The following GLT8D2 variants were observed in gnomAD, a reference collection of about 807,000 sequenced individuals.
The protein encoded by GLT8D2 is glycosyltransferase 8 domain-containing protein 2.
A neutral mutation model predicts 44.5 loss-of-function variants in GLT8D2; 45 were observed. The observed-to-expected ratio is 1.01, with a 90% CI of 0.80 to 1.30. The LOEUF is 1.30. GLT8D2 is among the 50% of genes most tolerant of loss of function. The pLI, the probability that GLT8D2 is intolerant of heterozygous loss-of-function variation, is 0.00. For synonymous variants in GLT8D2, 156 were observed against 157.2 expected (o/e 0.99, Z 0.06); for missense variants, 400 against 430.4 (o/e 0.93, Z 0.62).
rs199694370 is a variant in GLT8D2, at chr12:103,997,497, G to C, written c.441C>G (p.His147Gln). The change falls in exon 7 of 11, where the codon CAC becomes CAG. Residue 147 changes from histidine (H) to glutamine (Q), a missense_variant. Physicochemically the swap from His to Gln is conservative, Grantham distance 24. Coordinates refer to ENST00000360814, the MANE Select transcript of GLT8D2 (RefSeq NM_001384711.1). ...CCAAATAGATGACTTTCTCGTGTTG[G>C]TGGATAAGTAGAGGGAGATAAAATC... Reference protein sequence around the residue: ...FVRFYLPLLIHQHEKVIYLDD... With the variant: ...FVRFYLPLLIQQHEKVIYLDD... 3.1e-6 allele frequency: 5 copies of C among 1,613,738 alleles called. No homozygotes were observed. The South Asian group carries it at 4.4e-5, about 14-fold the overall frequency.
At chr12:104,031,635 A>G in intron 1 of GLT8D2, 15 of 1,219,940 alleles carry the variant, frequency 1.2e-5, no homozygotes, top group Non-Finnish European at 1.8e-5. Flanking sequence ...CACTGACCAC[A>G]TCTGTAGACA....
At chr12:103,989,742 T>C (rs1566187343) in intron 10 of GLT8D2, among the ~76,000 whole-genome samples, 165 bp from the exon 11 acceptor site, 1 of 152,204 alleles carries the variant, frequency 6.6e-6, no homozygotes, top group African/African-American at 2.4e-5. Flanking sequence ...TGTTAGTCTC[T>C]TGTGAATCCT....
Position 104,003,122 on chromosome 12 carries a change from A to T in GLT8D2, c.284+13T>A, listed in dbSNP as rs1418480043. On this transcript the variant is annotated intron_variant, in intron 5 of 10. Transcript: ENST00000360814. ...GAAACAGAAAGTGCCAAAGTCTGTA[A>T]GACATAACTTACCGTATTCGAGTCA... 6.2e-7 allele frequency: 1 copy of T among 1,610,306 alleles called. No individual in the cohort carries two copies. The highest frequency in any genetic ancestry group is 1.3e-5 in the African/African-American group (1 of 74,850).
At chr12:103,992,852 T>C (rs746100964) in intron 10 of GLT8D2, among the ~76,000 whole-genome samples, 8 of 152,178 alleles carry the variant, frequency 5.3e-5, no homozygotes, top group African/African-American at 1.7e-4. Flanking sequence ...AAGCATGAAT[T>C]TGATGGCTTT....
At chr12:103,997,580 G>C in intron 6 of GLT8D2, 45 bp from the exon 7 acceptor site, 1 of 1,354,228 alleles carries the variant, frequency 7.4e-7, no homozygotes, top group Non-Finnish European at 1.1e-6. Context: ...GAGGCATATG[G>C]CTTAGTGTCT....
chr12:104,002,875 G>A (rs1874411360), intron 5 of GLT8D2, among the ~76,000 whole-genome samples: 1 of 152,108 alleles, frequency 6.6e-6, no homozygotes, highest in African/African-American at 2.4e-5. Context: ...AGCCAGGGAG[G>A]TCAAGGCTGC....
chr12:104,007,265 T>TCTCCC (rs377119502), intron 4 of GLT8D2, among the ~76,000 whole-genome samples: 3 of 136,280 alleles, frequency 2.2e-5, no homozygotes, highest in Admixed American at 7.4e-5. Context: ...TCTCTCTCTC[T>TCTCCC]CCCCCCGCTC....
At position 103,989,468 on chromosome 12, in the gene GLT8D2, T is replaced by C. The variant is rs1872433965; in HGVS notation, c.990A>G (p.Leu330=). Reference sequence around the variant, plus strand: ...GGTCAGGAACAAACCAGCTTTCCCATAAGTCGTTGTGAACACTAGGGAAGT... The same window carrying C: ...GGTCAGGAACAAACCAGCTTTCCCACAAGTCGTTGTGAACACTAGGGAAGT... ...PWDFPSVHND[L]WESWFVPDPA... Residue 330 remains leucine, a synonymous_variant, in exon 11 of 11, where the codon TTA becomes TTG. Coordinates refer to ENST00000360814, the MANE Select transcript of GLT8D2 (RefSeq NM_001384711.1). 6.2e-7 allele frequency: 1 copy of C among 1,613,684 alleles called. No individual in the cohort carries two copies. Among genetic ancestry groups the C allele is most frequent in the African/African-American group, 1.3e-5 (1 of 74,928 alleles).
intron 4 of GLT8D2, among the ~76,000 whole-genome samples, chr12:104,007,256 CTCTCTCTCT>C (rs1319154853): frequency 4.7e-4 from 70 of 149,134 alleles, no homozygotes; most frequent in Middle Eastern, 6.8e-3. Flanking sequence ...CTCTCTCTCT[CTCTCTCTCT>C]CCCCCCGCTC....
chr12:104,051,253 T>C (rs1269282865), upstream of GLT8D2, among the ~76,000 whole-genome samples: 2 of 152,154 alleles, frequency 1.3e-5, no homozygotes. Context: ...CCTGAGTAGC[T>C]GAGATTACAG....
chr12:104,008,432 G>T (rs770597375), intron 4 of GLT8D2, among the ~76,000 whole-genome samples: 2 of 152,224 alleles, frequency 1.3e-5, no homozygotes, highest in Admixed American at 6.5e-5. Flanking sequence ...ATATCTGGCA[G>T]AAGAAATTTC....
chr12:104,003,307 C>T lies in GLT8D2; in HGVS notation c.113-1G>A, dbSNP rs1348394643. The T allele has an allele frequency of 6.2e-7, 1 of 1,613,680 alleles. No homozygotes were observed. Among genetic ancestry groups the T allele is most frequent in the African/African-American group, 1.3e-5 (1 of 74,870 alleles). On this transcript the variant is annotated splice_acceptor_variant, in intron 4 of 10. Transcript: ENST00000360814. LOFTEE classifies it high-confidence loss of function. ...TCTTCAGGAGTCTCGGATTCATCAT[C>T]TGGAAACATAAAAACTGGTGTCTTG...
chr12:104,015,393 AACACACACACACACACACACACACACAC>A (rs55732553), intron 3 of GLT8D2, among the ~76,000 whole-genome samples: 6 of 126,100 alleles, frequency 4.8e-5, no homozygotes, highest in African/African-American at 2.0e-4. Flanking sequence ...AACAACAACA[AACACACACACACACACACACACACACAC>A]ACACACACAC....
intron 8 of GLT8D2, among the ~76,000 whole-genome samples, chr12:103,996,232 A>G (rs533360434): frequency 6.6e-6 from 1 of 152,314 alleles, no homozygotes; most frequent in South Asian, 2.1e-4. Context: ...CATCAGGGTA[A>G]GGAGATCTTT....
chr12:104,016,725 A>G (rs1341790503), intron 3 of GLT8D2, among the ~76,000 whole-genome samples: 648 of 64,030 alleles, frequency 0.01, 10 homozygotes, highest in Middle Eastern at 0.019. Context: ...GAAAGAAAGA[A>G]AGAAAGAAAG....
At chr12:104,004,008 G>A (rs964255460) in intron 4 of GLT8D2, among the ~76,000 whole-genome samples, 3 of 152,126 alleles carry the variant, frequency 2.0e-5, no homozygotes, top group African/African-American at 7.2e-5. Flanking sequence ...GAATCCAGCA[G>A]CACATCAAAA....
chr12:104,009,239 G>A lies in GLT8D2; in HGVS notation c.112+5774C>T, dbSNP rs955444893. Among the ~76,000 whole-genome samples, 11 of 152,230 alleles carry A rather than the reference G, an allele frequency of 7.2e-5. No individual in the cohort carries two copies. The South Asian group carries it at 1.0e-3, about 14-fold the overall frequency. ...AGGCTGTATCCTGCAAAGCCACAGG[G>A]TAGAGCTGCCCAAGACCATGGGAAC... is the stretch of plus-strand genomic sequence containing the variant. On this transcript the variant is annotated intron_variant, in intron 4 of 10. Transcript: ENST00000360814.
chr12:104,025,102 G>A (rs371827882), intron 1 of GLT8D2, among the ~76,000 whole-genome samples: 5 of 148,048 alleles, frequency 3.4e-5, no homozygotes, highest in African/African-American at 1.0e-4. Flanking sequence ...CCTGTGTTAC[G>A]CGATTTGCAA....
intron 10 of GLT8D2, among the ~76,000 whole-genome samples, chr12:103,991,227 C>T (rs1401362234): frequency 6.6e-6 from 1 of 152,148 alleles, no homozygotes; most frequent in African/African-American, 2.4e-5. Context: ...AGCTCTGTCA[C>T]CCAGACTGGA....
Sources: allele counts gnomAD v4.1 joint callset (sites outside exome capture counted in the v4.1 genomes callset), GRCh38; gene constraint gnomAD v4.1.1; transcripts MANE v1.5; gene names NCBI Gene and HGNC (gene_info 2026-07-23, HGNC 2026-07-21).